ANO5: variants seen among roughly 807,000 people sequenced by gnomAD.
The protein encoded by ANO5 is anoctamin-5.
A neutral mutation model predicts 121.0 loss-of-function variants in ANO5; 109 were observed. The ratio of observed to expected loss-of-function variants is 0.90; its 90% CI spans 0.77 to 1.06. The LOEUF (loss-of-function observed/expected upper bound fraction) is 1.06, where lower values mean the gene tolerates loss of function less well. Ranked by LOEUF, ANO5 falls within the 50% of genes least tolerant of loss-of-function variation. The pLI, the probability that ANO5 is intolerant of heterozygous loss-of-function variation, is 0.00. For missense variants in ANO5, 1,064 were observed against 1,078.5 expected (o/e 0.99, Z 0.19); for synonymous variants, 406 against 359.9 (o/e 1.13, Z -1.45).
At chr11:22,275,050 C>A in intron 20 of ANO5, among the ~76,000 whole-genome samples, 1 of 152,050 alleles carries the variant, frequency 6.6e-6, no homozygotes, top group Non-Finnish European at 1.5e-5. Flanking sequence ...TTGTCACCAA[C>A]AAGTGCCCCT....
rs1554931947 is a variant in ANO5, at chr11:22,263,001, C to A, written c.1856C>A (p.Thr619Asn). 2 of 1,613,572 alleles carry A rather than the reference C, an allele frequency of 1.2e-6. No homozygotes were observed. Among genetic ancestry groups the A allele is most frequent in the Non-Finnish European group, 1.7e-6 (2 of 1,179,754 alleles). Residue 619 changes from threonine (T) to asparagine (N), a missense_variant, in exon 17 of 22, where the codon ACC becomes AAC. By Grantham distance (65) the Thr-to-Asn change is moderately conservative. Transcript: ENST00000324559. ...ACAACCCAATTGACCATTATAATGA[C>A]CGGGAAACAGATTTTTGGAAACATT... ...ELTTQLTIIM[T>N]GKQIFGNIKE...
intron 1 of ANO5, among the ~76,000 whole-genome samples, chr11:22,199,172 C>A (rs1338065526): frequency 6.6e-6 from 1 of 152,118 alleles, no homozygotes; most frequent in Non-Finnish European, 1.5e-5. Flanking sequence ...CGATTTTATT[C>A]TGACATTCTG....
chr11:22,206,876 C>G (rs1852137149), intron 2 of ANO5, among the ~76,000 whole-genome samples: 1 of 151,940 alleles, frequency 6.6e-6, no homozygotes, highest in Non-Finnish European at 1.5e-5. Flanking sequence ...ACTTACCCTT[C>G]TCATTAAATA....
At chr11:22,201,803 A>C (rs1396719972) in intron 1 of ANO5, among the ~76,000 whole-genome samples, 1 of 152,204 alleles carries the variant, frequency 6.6e-6, no homozygotes. Context: ...TTATGAAGGC[A>C]GAGCACTCAT....
chr11:22,264,778 A>G (rs1184742566), intron 17 of ANO5, among the ~76,000 whole-genome samples: 1 of 152,186 alleles, frequency 6.6e-6, no homozygotes, highest in East Asian at 1.9e-4. Context: ...AATGGAAGCA[A>G]TTACACATAA....
intron 4 of ANO5, among the ~76,000 whole-genome samples, chr11:22,219,795 TAGG>T (rs1005001844): frequency 1.3e-4 from 20 of 151,912 alleles, no homozygotes; most frequent in Non-Finnish European, 2.6e-4. Context: ...TTTTAGGAAA[TAGG>T]AGATGATTAT....
intron 7 of ANO5, 115 bp from the exon 8 acceptor site, chr11:22,236,048 A>G (rs1853204429): frequency 6.9e-6 from 5 of 725,792 alleles, no homozygotes; most frequent in South Asian, 1.5e-5. Flanking sequence ...GCTTCTTTCT[A>G]TAATTAGAGC....
At chr11:22,196,096 CT>C (rs895261063) in intron 1 of ANO5, among the ~76,000 whole-genome samples, 6 of 152,132 alleles carry the variant, frequency 3.9e-5, no homozygotes, top group Admixed American at 1.3e-4. Flanking sequence ...TCTTAGCCTA[CT>C]TTTTTTTATT....
At chr11:22,211,179 C>CATAG in intron 2 of ANO5, 85 bp from the exon 3 acceptor site, 1 of 1,380,080 alleles carries the variant, frequency 7.2e-7, no homozygotes, top group South Asian at 1.2e-5. Flanking sequence ...ATAGAGATTA[C>CATAG]AGAGTTGTTA....
chr11:22,221,060 CTA>C, intron 4 of ANO5, 35 bp from the exon 5 acceptor site: 1 of 1,447,644 alleles, frequency 6.9e-7, no homozygotes, highest in African/African-American at 1.4e-5. Context: ...CAGAATAAAA[CTA>C]TAATTTACAA....
At position 22,250,286 on chromosome 11, in the gene ANO5, T is replaced by C; in HGVS notation, c.928T>C (p.Tyr310His). The stretch of plus-strand genomic sequence containing the variant: ...TATCTATTTTGTCTTTCTTGGATTT[T>C]ACACAGAAATGCTATTCTTTGCAGC... ...IGIYFVFLGF[Y>H]TEMLFFAAVV... Residue 310 changes from tyrosine (Y) to histidine (H), a missense_variant, in exon 10 of 22, where the codon TAC becomes CAC. Tyr to His is a moderately conservative substitution (Grantham distance 83, BLOSUM62 2). Transcript: ENST00000324559. The C allele has an allele frequency of 6.2e-7, 1 of 1,610,418 alleles. No individual in the cohort carries two copies. Among genetic ancestry groups the C allele is most frequent in the Non-Finnish European group, 8.5e-7 (1 of 1,177,190 alleles).
rs138144479 is a variant in ANO5 at position 22,239,606 on chromosome 11, C to G, written c.800C>G (p.Thr267Ser). ...YWKPSEPPNP[T>S]NERYTLHQNW... ...AAGCCATCAGAACCTCCCAATCCTA[C>G]CAATGAAAGATACACACTTCACCAG... Residue 267 changes from threonine (T) to serine (S), a missense_variant, in exon 9 of 22, where the codon ACC becomes AGC. Thr to Ser is a moderately conservative substitution (Grantham distance 58). Coordinates refer to ENST00000324559, the MANE Select transcript of ANO5 (RefSeq NM_213599.3). 2,004 of 1,612,896 alleles carry G rather than the reference C, an allele frequency of 1.2e-3. 17 individuals are homozygous for G. In the African/African-American group the frequency reaches 0.023, roughly 19 times the overall value.
intron 18 of ANO5, among the ~76,000 whole-genome samples, chr11:22,271,448 G>A (rs1177602446): frequency 6.6e-6 from 1 of 152,108 alleles, no homozygotes; most frequent in Non-Finnish European, 1.5e-5. Flanking sequence ...TACATTATGT[G>A]ATACATGGAT....
chr11:22,215,793 C>T (rs1852422975), intron 3 of ANO5, among the ~76,000 whole-genome samples: 1 of 151,852 alleles, frequency 6.6e-6, no homozygotes, highest in Non-Finnish European at 1.5e-5. Context: ...ATTTCCATTA[C>T]CTCAAAAATT....
chr11:22,198,834 C>G (rs990546976), intron 1 of ANO5, among the ~76,000 whole-genome samples: 1 of 152,138 alleles, frequency 6.6e-6, no homozygotes, highest in Non-Finnish European at 1.5e-5. Context: ...GAATCCTATT[C>G]TTTATCTATT....
At chr11:22,226,771 A>C (rs973158646) in intron 6 of ANO5, among the ~76,000 whole-genome samples, 2 of 152,136 alleles carry the variant, frequency 1.3e-5, no homozygotes, top group Non-Finnish European at 2.9e-5. Context: ...CAGTGAACTA[A>C]TAAATTATTA....
chr11:22,193,674 G>C (rs536531112), intron 1 of ANO5, 142 bp downstream of exon 1: 1 of 1,139,758 alleles, frequency 8.8e-7, no homozygotes, highest in Admixed American at 2.2e-5. Context: ...TGCTCAGCGC[G>C]AAACCGGGAC....
intron 9 of ANO5, among the ~76,000 whole-genome samples, chr11:22,249,709 T>C (rs1473185216): frequency 6.6e-6 from 1 of 152,146 alleles, no homozygotes; most frequent in African/African-American, 2.4e-5. Context: ...GCCTGCTGCA[T>C]ATGTCACAAT....
Position 22,236,183 on chromosome 11 carries a change from A to T in ANO5, c.669A>T (p.Arg223Ser). The change falls in exon 8 of 22, where the codon AGA becomes AGT. Residue 223 changes from arginine to serine, a missense_variant. By Grantham distance (110) the Arg-to-Ser change is moderately radical. Coordinates refer to ENST00000324559, the MANE Select transcript of ANO5 (RefSeq NM_213599.3). The stretch of plus-strand genomic sequence containing the variant: ...TGTAGGTGTACTATATTCTCTCAAG[A>T]TGTCCTTTTGGCATAGAAGATGGGA... ...RNRIVYYILS[R>S]CPFGIEDGKK... 1.2e-6 allele frequency: 2 copies of T among 1,612,546 alleles called. No individual in the cohort carries two copies. The highest frequency in any genetic ancestry group is 1.1e-5 in the South Asian group (1 of 91,042).
Sources: allele counts gnomAD v4.1 joint callset (sites outside exome capture counted in the v4.1 genomes callset), GRCh38; gene constraint gnomAD v4.1.1; transcripts MANE v1.5; gene names NCBI Gene and HGNC (gene_info 2026-07-23, HGNC 2026-07-21).